GRID2: variants seen among roughly 807,000 people sequenced by gnomAD.
The protein encoded by GRID2 is glutamate receptor ionotropic, delta-2.
A neutral mutation model predicts 114.8 loss-of-function variants in GRID2; 33 were observed. The observed-to-expected ratio is 0.29, with a 90% CI of 0.22 to 0.38. GRID2 has a LOEUF of 0.38. Among genes scored for constraint, GRID2 ranks in the 10% least tolerant of loss-of-function variants. GRID2 has a pLI of 1.00. For synonymous variants in GRID2, 505 were observed against 449.9 expected, an observed-to-expected ratio of 1.12 and a Z score of -1.55; for missense variants, 1,184 against 1,257.7, an observed-to-expected ratio of 0.94 and a Z score of 0.89.
chr4:93,796,293 T>C (rs1283003435), intron 1 of GRID2, among the ~76,000 whole-genome samples: 1 of 152,142 alleles, frequency 6.6e-6, no homozygotes, highest in African/African-American at 2.4e-5. Flanking sequence ...AAGTCTTCCC[T>C]ACACGCAAAG....
chr4:92,935,734 A>G (rs1231676562), intron 2 of GRID2, among the ~76,000 whole-genome samples: 1 of 146,736 alleles, frequency 6.8e-6, no homozygotes. Flanking sequence ...TGTCCTTTGT[A>G]GGGACATGGA....
intron 4 of GRID2, among the ~76,000 whole-genome samples, chr4:93,177,189 C>T (rs901865836): frequency 3.3e-5 from 5 of 152,134 alleles, no homozygotes; most frequent in African/African-American, 1.2e-4. Flanking sequence ...ATCCCTGTGG[C>T]TTCTATTCTG....
intron 13 of GRID2, among the ~76,000 whole-genome samples, chr4:93,570,864 C>T (rs1475316983): frequency 6.6e-6 from 1 of 151,970 alleles, no homozygotes; most frequent in Non-Finnish European, 1.5e-5. Flanking sequence ...GTAAATTGGC[C>T]CTGAATTCCT....
chr4:93,152,917 C>A (rs990237921), intron 4 of GRID2, among the ~76,000 whole-genome samples: 3 of 152,008 alleles, frequency 2.0e-5, no homozygotes, highest in African/African-American at 4.8e-5. Context: ...AAACAACCAA[C>A]CTGGTTGTCC....
chr4:93,787,903 G>T (rs987493404), intron 1 of GRID2, among the ~76,000 whole-genome samples: 1 of 152,116 alleles, frequency 6.6e-6, no homozygotes, highest in Admixed American at 6.6e-5. Flanking sequence ...ATGTCTGGAC[G>T]AATAGACTCA....
At chr4:93,784,645 T>TACACACACACACACAC (rs59896203) in intron 1 of GRID2, among the ~76,000 whole-genome samples, 1 of 147,636 alleles carries the variant, frequency 6.8e-6, no homozygotes, top group African/African-American at 2.5e-5. Context: ...GTCCTTTTTA[T>TACACACACACACACAC]ACACACACAC....
chr4:92,492,146 C>G (rs1337182094), intron 1 of GRID2, among the ~76,000 whole-genome samples: 2 of 152,028 alleles, frequency 1.3e-5, no homozygotes, highest in Admixed American at 1.3e-4. Context: ...GATTATTCTC[C>G]TATTAAAAAG....
At chr4:92,591,314 T>C (rs1211122235) in intron 2 of GRID2, among the ~76,000 whole-genome samples, 1 of 152,178 alleles carries the variant, frequency 6.6e-6, no homozygotes, top group African/African-American at 2.4e-5. Flanking sequence ...TTGGATTTGC[T>C]GGTCTCCAGA....
intron 2 of GRID2, among the ~76,000 whole-genome samples, chr4:92,995,322 G>A (rs1389511595): frequency 6.6e-6 from 1 of 152,082 alleles, no homozygotes; most frequent in African/African-American, 2.4e-5. Context: ...GTGCATTTGA[G>A]TGGCATTGTG....
chr4:93,622,692 C>G (rs1036386023), intron 13 of GRID2, among the ~76,000 whole-genome samples: 1 of 152,216 alleles, frequency 6.6e-6, no homozygotes, highest in Non-Finnish European at 1.5e-5. Context: ...TGGGGTTCAC[C>G]TCAACAAAAG....
In GRID2 at chr4:93,407,702, T is replaced by TCTC. The variant is rs200696257; in HGVS notation, c.1347+12012_1347+12014dup. ...TTTTTTTTTTTTCATGTTTGGAAGG[T>TCTC]CTCCTCCTCCTCCTCCTCCTTCTCC... On this transcript the variant is annotated intron_variant, in intron 9 of 15. Transcript: ENST00000282020. Among the ~76,000 whole-genome samples, 121 of 117,404 alleles carry TCTC rather than the reference T, an allele frequency of 1.0e-3. 8 individuals are homozygous for TCTC. The highest frequency in any genetic ancestry group is 1.8e-3 in the African/African-American group (42 of 23,860). The allele number at this position is 117,404 out of a possible 152,430, so 77.0% of individuals were successfully genotyped here.
intron 4 of GRID2, among the ~76,000 whole-genome samples, chr4:93,118,187 A>G (rs899475346): frequency 9.9e-5 from 15 of 152,146 alleles, no homozygotes; most frequent in African/African-American, 2.2e-4. Context: ...CCTCTGATCA[A>G]GCGTCACTGC....
intron 4 of GRID2, among the ~76,000 whole-genome samples, chr4:93,132,914 T>C (rs760479529): frequency 2.0e-5 from 3 of 152,200 alleles, no homozygotes; most frequent in Non-Finnish European, 4.4e-5. Flanking sequence ...AAGTGCTCAA[T>C]TGGGAGTGCT....
intron 2 of GRID2, among the ~76,000 whole-genome samples, chr4:92,691,415 G>A (rs886473953): frequency 6.6e-6 from 1 of 152,028 alleles, no homozygotes; most frequent in Non-Finnish European, 1.5e-5. Context: ...GAACCTTAGG[G>A]CCAGCACAGT....
chr4:92,698,387 A>G (rs566530330), intron 2 of GRID2, among the ~76,000 whole-genome samples: 18 of 152,172 alleles, frequency 1.2e-4, no homozygotes, highest in African/African-American at 4.3e-4. Flanking sequence ...TGTCTGCCCT[A>G]CCTAAAATGG....
chr4:93,066,691 C>T (rs76923171), intron 2 of GRID2, among the ~76,000 whole-genome samples: 1 of 151,848 alleles, frequency 6.6e-6, no homozygotes, highest in Non-Finnish European at 1.5e-5. Flanking sequence ...TAGATCTTAG[C>T]AACCTAAGCA....
chr4:93,601,881 C>T (rs865841318), intron 13 of GRID2, among the ~76,000 whole-genome samples: 13 of 152,076 alleles, frequency 8.5e-5, no homozygotes, highest in South Asian at 8.3e-4. Flanking sequence ...CCTTTATTTT[C>T]TCATTGCTGG....
At chr4:92,809,941 A>G (rs1400240179) in intron 2 of GRID2, among the ~76,000 whole-genome samples, 2 of 152,170 alleles carry the variant, frequency 1.3e-5, no homozygotes, top group East Asian at 3.9e-4. Flanking sequence ...GTAGATGTTC[A>G]ACAAACGTTG....
intron 8 of GRID2, among the ~76,000 whole-genome samples, chr4:93,392,898 T>C (rs1764988497): frequency 6.6e-6 from 1 of 152,076 alleles, no homozygotes; most frequent in South Asian, 2.1e-4. Flanking sequence ...ATGAAGTCCT[T>C]AGTTTTCTTG....
Sources: allele counts gnomAD v4.1 joint callset (sites outside exome capture counted in the v4.1 genomes callset), GRCh38; gene constraint gnomAD v4.1.1; transcripts MANE v1.5; gene names NCBI Gene and HGNC (gene_info 2026-07-23, HGNC 2026-07-21).